CSMD1: variants seen among roughly 807,000 people sequenced by gnomAD.
CSMD1 encodes CUB and Sushi multiple domains 1.
In CSMD1, 213 loss-of-function variants were observed where a neutral mutation model predicts 417.5. The ratio of observed to expected loss-of-function variants is 0.51; its 90% confidence interval spans 0.46 to 0.57. CSMD1 has a LOEUF of 0.57. CSMD1 is among the 20% of genes least tolerant of loss of function. The pLI, the probability that CSMD1 is intolerant of heterozygous loss-of-function variation, is 0.00. For missense variants in CSMD1, 6,923 were observed against 4,529.7 expected (o/e 1.53, Z -15.17); for synonymous variants, 2,862 against 1,736.8 (o/e 1.65, Z -16.11).
chr8:4,595,371 T>TA, intron 2 of CSMD1, among the ~76,000 whole-genome samples: 6 of 93,674 alleles, frequency 6.4e-5, no homozygotes, highest in Admixed American at 1.1e-4. Flanking sequence ...CATTTGTCTA[T>TA]TGATGCATTC....
chr8:3,103,312 G>C (rs1379203418), intron 46 of CSMD1, among the ~76,000 whole-genome samples: 2 of 152,110 alleles, frequency 1.3e-5, no homozygotes, highest in Non-Finnish European at 2.9e-5. Flanking sequence ...ATTGGGACAT[G>C]AAAAATAGCA....
chr8:4,321,846 C>T (rs1028253427), intron 3 of CSMD1, among the ~76,000 whole-genome samples: 41 of 152,038 alleles, frequency 2.7e-4, no homozygotes, highest in Middle Eastern at 7.0e-3. Context: ...CTACTTGACA[C>T]GTAATTCATT....
chr8:4,138,388 T>G (rs577195538), intron 3 of CSMD1, among the ~76,000 whole-genome samples: 1 of 152,010 alleles, frequency 6.6e-6, no homozygotes, highest in Non-Finnish European at 1.5e-5. Context: ...CTCTGGCACT[T>G]TGCCTCCTTA....
chr8:4,066,543 T>A (rs1799259694), intron 3 of CSMD1, among the ~76,000 whole-genome samples: 1 of 152,154 alleles, frequency 6.6e-6, no homozygotes, highest in Non-Finnish European at 1.5e-5. Flanking sequence ...TACCTGAAAT[T>A]TTACCATTAA....
intron 18 of CSMD1, among the ~76,000 whole-genome samples, chr8:3,374,964 A>G (rs562261125): frequency 6.6e-6 from 1 of 152,266 alleles, no homozygotes; most frequent in South Asian, 2.1e-4. Context: ...GCGGCAGTTG[A>G]AGCACGCAGA....
intron 3 of CSMD1, among the ~76,000 whole-genome samples, chr8:4,091,632 T>A (rs866521257): frequency 2.6e-5 from 4 of 152,064 alleles, no homozygotes; most frequent in Non-Finnish European, 5.9e-5. Context: ...ACAATTCCAA[T>A]AAAGAGCCCC....
At chr8:3,985,834 G>C (rs1585082341) in intron 5 of CSMD1, among the ~76,000 whole-genome samples, 1 of 150,986 alleles carries the variant, frequency 6.6e-6, no homozygotes, top group African/African-American at 2.4e-5. Flanking sequence ...CTTCAATGCT[G>C]AGACTGTACC....
At chr8:4,678,282 G>T (rs1327116610) in intron 1 of CSMD1, among the ~76,000 whole-genome samples, 1 of 151,956 alleles carries the variant, frequency 6.6e-6, no homozygotes, top group Non-Finnish European at 1.5e-5. Flanking sequence ...GTGGTGGCAC[G>T]CACCTGTAGT....
At chr8:3,057,884 C>T (rs969763214) in intron 49 of CSMD1, among the ~76,000 whole-genome samples, 27 of 152,180 alleles carry the variant, frequency 1.8e-4, no homozygotes, top group Admixed American at 4.6e-4. Context: ...CCTTATTTCC[C>T]GCGACACTGA....
intron 1 of CSMD1, among the ~76,000 whole-genome samples, chr8:4,769,475 T>C (rs1056407812): frequency 7.9e-5 from 12 of 152,222 alleles, no homozygotes; most frequent in African/African-American, 2.9e-4. Flanking sequence ...GATAAATACC[T>C]ATGTATTAAT....
chr8:4,372,677 G>C (rs377003161), intron 3 of CSMD1, among the ~76,000 whole-genome samples: 4 of 151,140 alleles, frequency 2.6e-5, no homozygotes, highest in African/African-American at 9.7e-5. Context: ...ATTGATGCAG[G>C]CCTGTCAAAG....
intron 32 of CSMD1, among the ~76,000 whole-genome samples, chr8:3,201,003 A>C (rs1053680675): frequency 1.3e-5 from 2 of 152,220 alleles, no homozygotes; most frequent in Non-Finnish European, 2.9e-5. Flanking sequence ...AAACCGACTG[A>C]ATACCATTCA....
At chr8:2,964,127 C>G (rs915347623) in intron 59 of CSMD1, among the ~76,000 whole-genome samples, 2 of 152,182 alleles carry the variant, frequency 1.3e-5, no homozygotes, top group African/African-American at 4.8e-5. Context: ...CACAACTTCC[C>G]TAGTTTTTGA....
intron 2 of CSMD1, among the ~76,000 whole-genome samples, chr8:4,557,506 T>C (rs140502248): frequency 9.2e-5 from 14 of 152,146 alleles, no homozygotes; most frequent in African/African-American, 2.4e-5. Flanking sequence ...TGAAGAAATA[T>C]TATCAGTTGA....
intron 5 of CSMD1, among the ~76,000 whole-genome samples, chr8:3,908,590 T>C (rs929502278): frequency 6.6e-6 from 1 of 152,172 alleles, no homozygotes; most frequent in African/African-American, 2.4e-5. Context: ...CCTTGTTTAA[T>C]CCCTGGAACA....
intron 49 of CSMD1, among the ~76,000 whole-genome samples, chr8:3,064,489 T>G (rs1490099571): frequency 6.6e-6 from 1 of 152,234 alleles, no homozygotes; most frequent in African/African-American, 2.4e-5. Context: ...CCTACAGAAC[T>G]GTGAGTCAAT....
intron 6 of CSMD1, among the ~76,000 whole-genome samples, chr8:3,749,727 ATGT>A (rs1797235269): frequency 6.6e-6 from 1 of 152,072 alleles, no homozygotes; most frequent in Non-Finnish European, 1.5e-5. Context: ...CATACGGTTT[ATGT>A]TTTTTTTTCC....
intron 3 of CSMD1, among the ~76,000 whole-genome samples, chr8:4,135,068 T>C (rs1234750006): frequency 1.3e-5 from 2 of 152,096 alleles, no homozygotes; most frequent in Non-Finnish European, 2.9e-5. Flanking sequence ...CACAGTGAGT[T>C]CACATAGAAT....
chr8:3,772,742 A>T (rs1798686280), intron 5 of CSMD1, among the ~76,000 whole-genome samples: 1 of 149,092 alleles, frequency 6.7e-6, no homozygotes, highest in African/African-American at 2.5e-5. Context: ...TATCAAACAT[A>T]CCTTCATTCA....
Sources: allele counts gnomAD v4.1 joint callset (sites outside exome capture counted in the v4.1 genomes callset), GRCh38; gene constraint gnomAD v4.1.1; transcripts MANE v1.5; gene names NCBI Gene and HGNC (gene_info 2026-07-23, HGNC 2026-07-21).